The following CEP120 variants were observed in gnomAD, a reference collection of about 807,000 sequenced individuals.
CEP120 encodes the protein centrosomal protein of 120 kDa.
In CEP120, 113 loss-of-function variants were observed where a neutral mutation model predicts 126.5. That is an observed-to-expected ratio of 0.89 (90% CI 0.77 to 1.04). The LOEUF is 1.04. CEP120 is among the 50% of genes least tolerant of loss of function. The probability of loss-of-function intolerance (pLI) is 0.00; values close to 1 mark genes in which losing one functional copy is unlikely to be tolerated. For synonymous variants in CEP120, 400 were observed against 394.3 expected (o/e 1.01, Z -0.17); for missense variants, 1,230 against 1,155.7 (o/e 1.06, Z -0.93).
At chr5:123,407,265 A>C (rs1773757701) in intron 4 of CEP120, among the ~76,000 whole-genome samples, 1 of 152,154 alleles carries the variant, frequency 6.6e-6, no homozygotes, top group African/African-American at 2.4e-5. Context: ...AACTATATTA[A>C]TAATCACCTT....
chr5:123,386,111 G>A (rs572553182), intron 10 of CEP120, among the ~76,000 whole-genome samples: 51 of 152,074 alleles, frequency 3.4e-4, no homozygotes, highest in African/African-American at 1.2e-3. Flanking sequence ...AACATCTCTA[G>A]TTATAGGTTT....
intron 14 of CEP120, among the ~76,000 whole-genome samples, chr5:123,381,197 A>G (rs74880716): frequency 0.027 from 4,096 of 152,248 alleles, 187 homozygotes; most frequent in African/African-American, 0.092. Context: ...GATCCCTAAA[A>G]GGTGAGAAAT....
intron 4 of CEP120, chr5:123,401,727 T>C (rs1233080766): frequency 1.7e-5 from 22 of 1,291,752 alleles, no homozygotes; most frequent in Non-Finnish European, 2.4e-5. Context: ...TCTACCTTGT[T>C]AATGTAAGCT....
intron 19 of CEP120, 78 bp downstream of exon 19, chr5:123,349,866 T>C: frequency 8.7e-7 from 1 of 1,153,736 alleles, no homozygotes; most frequent in Non-Finnish European, 1.3e-6. Flanking sequence ...TGATCTACTT[T>C]ATCCTTGGGA....
At chr5:123,413,249 G>A (rs1774178157) in intron 3 of CEP120, among the ~76,000 whole-genome samples, 1 of 151,560 alleles carries the variant, frequency 6.6e-6, no homozygotes, top group Non-Finnish European at 1.5e-5. Context: ...TCCAGCCTGA[G>A]CAACAGGAGT....
intron 1 of CEP120, 131 bp downstream of exon 1, chr5:123,422,819 T>C: frequency 1.1e-6 from 1 of 898,432 alleles, no homozygotes; most frequent in East Asian, 2.4e-5. Context: ...TACGTACAAC[T>C]TTGAACAAGT....
intron 18 of CEP120, among the ~76,000 whole-genome samples, chr5:123,353,945 T>C (rs1580629594): frequency 6.6e-6 from 1 of 152,190 alleles, no homozygotes; most frequent in Middle Eastern, 3.4e-3. Flanking sequence ...ATTAATTCTA[T>C]TCATCTTATT....
chr5:123,414,026 A>T (rs1410071968), intron 3 of CEP120, among the ~76,000 whole-genome samples: 2 of 152,260 alleles, frequency 1.3e-5, no homozygotes, highest in Non-Finnish European at 2.9e-5. Flanking sequence ...AGAATAAGCA[A>T]TACAGCATTT....
At position 123,423,310 on chromosome 5, in the gene CEP120, ACGC is replaced by A; in HGVS notation, c.-315_-313del. On this transcript the variant is annotated 5_prime_UTR_variant, in exon 1 of 20. Coordinates refer to ENST00000306467, the MANE Select transcript of CEP120 (RefSeq NM_001375405.1). Reference sequence around the variant, plus strand: ...TGCCGCCTGCGTAGCCGCTTTTCAAACGCCCGGGCGGCCGCAGCGGCCGCCGCC... The same window carrying A: ...TGCCGCCTGCGTAGCCGCTTTTCAAACCGGGCGGCCGCAGCGGCCGCCGCC... 3.0e-6 allele frequency: 1 copy of A among 331,548 alleles called. No individual in the cohort carries two copies. The highest frequency in any genetic ancestry group is 5.6e-6 in the Non-Finnish European group (1 of 179,776). The allele number at this position is 331,548 out of a possible 1,614,324, so 20.5% of individuals were successfully genotyped here.
At chr5:123,346,873 C>T in intron 19 of CEP120, 120 bp from the exon 20 acceptor site, 1 of 752,028 alleles carries the variant, frequency 1.3e-6, no homozygotes. Flanking sequence ...AGGAAGAAAA[C>T]AAACCAAAAA....
chr5:123,354,030 C>T (rs1580629723), intron 18 of CEP120, among the ~76,000 whole-genome samples: 1 of 151,980 alleles, frequency 6.6e-6, no homozygotes, highest in Admixed American at 6.6e-5. Flanking sequence ...GATTTATTGT[C>T]TTATTTTCTA....
chr5:123,404,217 T>C (rs866590611), intron 4 of CEP120, among the ~76,000 whole-genome samples: 4 of 152,194 alleles, frequency 2.6e-5, no homozygotes, highest in Admixed American at 1.3e-4. Context: ...CGAAAACAAA[T>C]TCTTAAAATT....
At chr5:123,373,142 GAACA>G (rs893803231) in intron 16 of CEP120, among the ~76,000 whole-genome samples, 7 of 151,916 alleles carry the variant, frequency 4.6e-5, no homozygotes, top group Admixed American at 4.6e-4. Context: ...AAGCAGAGAG[GAACA>G]AACACATTTC....
chr5:123,392,441 AC>A (rs960299365), intron 6 of CEP120, among the ~76,000 whole-genome samples: 12 of 152,220 alleles, frequency 7.9e-5, no homozygotes, highest in African/African-American at 2.9e-4. Flanking sequence ...CGTATACAAC[AC>A]CACCCTATTT....
intron 16 of CEP120, among the ~76,000 whole-genome samples, chr5:123,375,965 G>C (rs1202825211): frequency 6.6e-6 from 1 of 151,068 alleles, no homozygotes; most frequent in African/African-American, 2.4e-5. Flanking sequence ...TTTCAAGAAA[G>C]ATAAGCTTAA....
intron 1 of CEP120, 83 bp from the exon 2 acceptor site, chr5:123,418,598 G>GT: frequency 4.4e-6 from 5 of 1,127,454 alleles, no homozygotes; most frequent in Non-Finnish European, 5.9e-6. Flanking sequence ...TTGTTTGGCT[G>GT]GTTTTTTTTT....
Position 123,382,898 on chromosome 5 carries a change from T to A in CEP120, c.1861-9A>T. 1 of 1,611,514 alleles carries A rather than the reference T, an allele frequency of 6.2e-7. No homozygotes were observed. The highest frequency in any genetic ancestry group is 1.3e-5 in the African/African-American group (1 of 74,842). On this transcript the variant is annotated splice_polypyrimidine_tract_variant and intron_variant, in intron 12 of 19. Coordinates refer to ENST00000306467, the MANE Select transcript of CEP120 (RefSeq NM_001375405.1). ...TGTACGGCAGATACACCCTAAGAGATGAACCAAAAAGTACATTTAAACACT... is the reference window on the plus strand; with the variant it reads ...TGTACGGCAGATACACCCTAAGAGAAGAACCAAAAAGTACATTTAAACACT...
intron 7 of CEP120, 66 bp from the exon 8 acceptor site, chr5:123,390,206 T>C: frequency 8.8e-7 from 1 of 1,142,576 alleles, no homozygotes; most frequent in Non-Finnish European, 1.3e-6. Context: ...AGCAAAAAAC[T>C]TGGCATTGTT....
chr5:123,348,622 GACC>G, intron 19 of CEP120, among the ~76,000 whole-genome samples: 1 of 152,126 alleles, frequency 6.6e-6, no homozygotes, highest in African/African-American at 2.4e-5. Context: ...TTAATATAGT[GACC>G]ACATTTTTCT....
Sources: allele counts gnomAD v4.1 joint callset (sites outside exome capture counted in the v4.1 genomes callset), GRCh38; gene constraint gnomAD v4.1.1; transcripts MANE v1.5; gene names NCBI Gene and HGNC (gene_info 2026-07-23, HGNC 2026-07-21).